The following CLDN14 variants were observed in gnomAD, a reference collection of about 807,000 sequenced individuals.
CLDN14 encodes the protein claudin-14.
A neutral mutation model predicts 2.1 loss-of-function variants in CLDN14; 2 were observed. The observed-to-expected ratio is 0.96, with a 90% CI of 0.39 to 3.01. The LOEUF is 3.01. Ranked by LOEUF, CLDN14 falls within the 30% of genes most tolerant of loss-of-function variation. The pLI, the probability that CLDN14 is intolerant of heterozygous loss-of-function variation, is 0.09. For synonymous variants in CLDN14, 136 were observed against 154.4 expected, an observed-to-expected ratio of 0.88 and a Z score of 0.88; for missense variants, 298 against 328.0, an observed-to-expected ratio of 0.91 and a Z score of 0.71.
chr21:36,545,067 T>C (rs543668744), intron 1 of CLDN14, among the ~76,000 whole-genome samples: 1 of 152,278 alleles, frequency 6.6e-6, no homozygotes, highest in East Asian at 1.9e-4. Flanking sequence ...CAGGTGGCCA[T>C]AGGGATTTGA....
intron 2 of CLDN14, among the ~76,000 whole-genome samples, chr21:36,506,596 CAAA>C (rs113812093): frequency 1.9e-4 from 20 of 105,502 alleles, no homozygotes; most frequent in African/African-American, 5.2e-4. Flanking sequence ...GACTCTGTCT[CAAA>C]AAAAAAAAAA....
At chr21:36,528,861 G>A (rs912236238) in intron 1 of CLDN14, among the ~76,000 whole-genome samples, 55 of 152,188 alleles carry the variant, frequency 3.6e-4, no homozygotes, top group Non-Finnish European at 6.2e-4. Context: ...ACCACAGGCA[G>A]CATCTGCTGT....
At chr21:36,482,444 GGATGGATA>G (rs1275090852), upstream of CLDN14, among the ~76,000 whole-genome samples, 127 of 148,174 alleles carry the variant, frequency 8.6e-4, 1 homozygote, top group African/African-American at 3.3e-3. Flanking sequence ...ATGGATGGAT[GGATGGATA>G]GATGGATGGA....
At chr21:36,516,985 G>C (rs9305586) in intron 1 of CLDN14, among the ~76,000 whole-genome samples, 124,967 of 152,090 alleles carry the variant, frequency 0.82, 52,251 homozygotes, top group Middle Eastern at 0.93. Context: ...AATTACAGGC[G>C]TGCCCCACCA....
chr21:36,553,356 C>G (rs574467366), intron 1 of CLDN14, among the ~76,000 whole-genome samples: 154 of 152,286 alleles, frequency 1.0e-3, no homozygotes, highest in African/African-American at 3.4e-3. Context: ...AGGGGGCCAG[C>G]TGCTCAGCAA....
At chr21:36,513,357 C>T (rs1328034731) in intron 1 of CLDN14, among the ~76,000 whole-genome samples, 1 of 152,212 alleles carries the variant, frequency 6.6e-6, no homozygotes, top group Non-Finnish European at 1.5e-5. Context: ...GGGAGCTATC[C>T]TGGGGACCAA....
At chr21:36,476,064 G>A (rs1014588386) in intron 1 of CLDN14, among the ~76,000 whole-genome samples, 1 of 152,154 alleles carries the variant, frequency 6.6e-6, no homozygotes, top group Non-Finnish European at 1.5e-5. Flanking sequence ...GTTCTGCTGG[G>A]CCTGCCTGCT....
intron 1 of CLDN14, among the ~76,000 whole-genome samples, chr21:36,527,480 A>C (rs2087342668): frequency 6.6e-6 from 1 of 152,210 alleles, no homozygotes; most frequent in Admixed American, 6.5e-5. Flanking sequence ...TGTTGCTTTA[A>C]TATTTCCATG....
At position 36,527,575 on chromosome 21, in the gene CLDN14, C is replaced by G. The variant is rs149451117; in HGVS notation, c.-219-17075G>C. On this transcript the variant is annotated intron_variant, in intron 1 of 2. Transcript: ENST00000342108. ...GACATTTCCCATTTCCCGTCGATTA[C>G]TCACCAATGGAAAATAATGTGATAC... Among the ~76,000 whole-genome samples the G allele has an allele frequency of 4.7e-3, 709 of 152,316 alleles. 8 individuals are homozygous for G. The highest frequency in any genetic ancestry group is 0.016 in the African/African-American group (685 of 41,570).
In CLDN14 at chr21:36,490,385, ATTTTTTTTTTTT is replaced by A. The variant is rs71198817; in HGVS notation, c.-82+19966_-82+19977del. ...TGTCTGCTAGTTCAATTTTTTTTTA[ATTTTTTTTTTTT>A]TTTTTTTTTGTGACAGAGTCTCACT... On this transcript the variant is annotated intron_variant, in intron 2 of 2. Transcript: ENST00000342108. Among the ~76,000 whole-genome samples, 559 of 102,080 alleles carry A rather than the reference ATTTTTTTTTTTT, an allele frequency of 5.5e-3. 7 individuals carry two copies. The highest frequency in any genetic ancestry group is 0.014 in the Middle Eastern group (2 of 140). 67.0% of individuals were successfully genotyped at this position (102,080 alleles called of 152,430 possible). A position where few individuals can be genotyped will look rare whatever the true frequency, so the allele number is the denominator to read the frequency against.
chr21:36,553,018 A>G (rs1397083344), intron 1 of CLDN14, among the ~76,000 whole-genome samples: 3 of 152,166 alleles, frequency 2.0e-5, no homozygotes, highest in Non-Finnish European at 2.9e-5. Context: ...CCCGCCACCT[A>G]GGGCCCAGCT....
At chr21:36,543,028 G>C (rs1399314625) in intron 1 of CLDN14, among the ~76,000 whole-genome samples, 1 of 152,226 alleles carries the variant, frequency 6.6e-6, no homozygotes, top group Non-Finnish European at 1.5e-5. Flanking sequence ...GGGCAGGGGG[G>C]AGCACAAGGG....
chr21:36,550,945 A>G (rs1457215554), intron 1 of CLDN14, among the ~76,000 whole-genome samples: 1 of 152,200 alleles, frequency 6.6e-6, no homozygotes, highest in Non-Finnish European at 1.5e-5. Context: ...ACCCTGGAGC[A>G]AGATGGGCCC....
At chr21:36,490,675 C>A (rs2086952877) in intron 2 of CLDN14, among the ~76,000 whole-genome samples, 1 of 152,092 alleles carries the variant, frequency 6.6e-6, no homozygotes. Flanking sequence ...AGGTGTAAGC[C>A]ACCATGCCTG....
intron 1 of CLDN14, among the ~76,000 whole-genome samples, chr21:36,564,683 T>C (rs1424705009): frequency 2.0e-5 from 3 of 152,186 alleles, no homozygotes; most frequent in Non-Finnish European, 4.4e-5. Flanking sequence ...CATGAGTATG[T>C]TATGTTACAT....
chr21:36,475,916 C>T (rs2086772980), intron 1 of CLDN14, among the ~76,000 whole-genome samples: 1 of 152,112 alleles, frequency 6.6e-6, no homozygotes, highest in South Asian at 2.1e-4. Flanking sequence ...AAATGATCTG[C>T]CCTCCTCGGC....
At chr21:36,519,347 C>T (rs201723039) in intron 1 of CLDN14, among the ~76,000 whole-genome samples, 5 of 152,138 alleles carry the variant, frequency 3.3e-5, no homozygotes, top group South Asian at 2.1e-4. Context: ...TTTGGGAGGC[C>T]GAAGTGGGTG....
chr21:36,491,024 CTT>C (rs922858589), intron 2 of CLDN14, among the ~76,000 whole-genome samples: 12 of 151,906 alleles, frequency 7.9e-5, no homozygotes, highest in Non-Finnish European at 1.8e-4. Context: ...CTCAAAATGA[CTT>C]TTGGCAGCAG....
At chr21:36,550,040 A>T (rs1423808968) in intron 1 of CLDN14, among the ~76,000 whole-genome samples, 1 of 152,240 alleles carries the variant, frequency 6.6e-6, no homozygotes, top group Non-Finnish European at 1.5e-5. Flanking sequence ...GGCACATAGC[A>T]TGACATTGGT....
Sources: gnomAD v4.1 joint callset for allele counts (sites outside exome capture counted in the v4.1 genomes callset) on GRCh38, gnomAD v4.1.1 for gene constraint, MANE v1.5 for transcripts, NCBI Gene and HGNC (gene_info 2026-07-23, HGNC 2026-07-21) for gene names.